KDM4C: variants seen among roughly 807,000 people sequenced by gnomAD.
The protein encoded by KDM4C is lysine demethylase 4C.
In KDM4C, 81 loss-of-function variants were observed where a neutral mutation model predicts 129.3. The observed-to-expected ratio is 0.63, with a 90% confidence interval of 0.52 to 0.75. The LOEUF (loss-of-function observed/expected upper bound fraction) is 0.75. KDM4C is among the 30% of genes least tolerant of loss of function. KDM4C has a pLI of 0.00. For missense variants in KDM4C, 1,457 were observed against 1,304.0 expected (o/e 1.12, Z -1.81); for synonymous variants, 573 against 456.1 (o/e 1.26, Z -3.26).
chr9:7,096,936 G>A (rs1367111591), intron 17 of KDM4C, among the ~76,000 whole-genome samples: 1 of 152,180 alleles, frequency 6.6e-6, no homozygotes, highest in East Asian at 1.9e-4. Flanking sequence ...TTGTGCCAGA[G>A]TACAGTCCAA....
intron 17 of KDM4C, among the ~76,000 whole-genome samples, chr9:7,099,329 G>C (rs891144747): frequency 1.3e-5 from 2 of 152,202 alleles, no homozygotes; most frequent in African/African-American, 4.8e-5. Context: ...GATGCCCTTT[G>C]CCAGGCTGGA....
At chr9:7,163,105 C>T (rs561418406) in intron 19 of KDM4C, among the ~76,000 whole-genome samples, 2 of 152,180 alleles carry the variant, frequency 1.3e-5, no homozygotes, top group South Asian at 2.1e-4. Context: ...TGCAGGTTCT[C>T]TGTCTGCATG....
chr9:6,969,199 G>T (rs1831517645), intron 8 of KDM4C, among the ~76,000 whole-genome samples: 1 of 152,206 alleles, frequency 6.6e-6, no homozygotes, highest in South Asian at 2.1e-4. Context: ...GCCTCCCAAA[G>T]TGCTGGGATT....
intron 4 of KDM4C, among the ~76,000 whole-genome samples, chr9:6,828,179 G>A (rs1438966984): frequency 1.3e-5 from 2 of 151,690 alleles, no homozygotes; most frequent in African/African-American, 2.4e-5. Flanking sequence ...ACGGAGCCTC[G>A]CACTGTCGCC....
intron 2 of KDM4C, among the ~76,000 whole-genome samples, chr9:6,794,496 G>A (rs1222717843): frequency 6.6e-6 from 1 of 152,136 alleles, no homozygotes; most frequent in Non-Finnish European, 1.5e-5. Flanking sequence ...TATGGTGGCT[G>A]TTTGTTTCTT....
At chr9:7,126,158 G>A (rs148643577) in intron 18 of KDM4C, among the ~76,000 whole-genome samples, 9 of 152,192 alleles carry the variant, frequency 5.9e-5, no homozygotes, top group African/African-American at 2.2e-4. Context: ...TATACCCTGA[G>A]GCCTACACAT....
chr9:6,790,151 G>A (rs945795787), intron 1 of KDM4C, among the ~76,000 whole-genome samples: 2 of 149,938 alleles, frequency 1.3e-5, no homozygotes, highest in African/African-American at 4.9e-5. Context: ...TGATCCGCTC[G>A]CCTTGGCCTC....
In KDM4C at chr9:6,981,056, A is replaced by G; in HGVS notation, c.1053A>G (p.Ala351=). 1 of 1,613,760 alleles carries G rather than the reference A, an allele frequency of 6.2e-7. No homozygotes were observed. Among genetic ancestry groups the G allele is most frequent in the South Asian group, 1.1e-5 (1 of 91,018 alleles). ...YTIDHTKPTP[A]STPEVKAWLQ... ...TTGATCACACGAAGCCTACTCCAGC[A>G]TCCACCCCTGAAGTAAAAGCATGGC... Residue 351 remains alanine (A), a synonymous_variant, in exon 9 of 22, where the codon GCA becomes GCG. Transcript: ENST00000381309.
intron 4 of KDM4C, among the ~76,000 whole-genome samples, chr9:6,848,789 A>C (rs1342289223): frequency 6.6e-6 from 1 of 152,188 alleles, no homozygotes; most frequent in African/African-American, 2.4e-5. Flanking sequence ...ATATTGTTAT[A>C]CTGTTATAAA....
At chr9:7,092,155 G>A (rs1246234405) in intron 17 of KDM4C, among the ~76,000 whole-genome samples, 1 of 152,062 alleles carries the variant, frequency 6.6e-6, no homozygotes, top group Non-Finnish European at 1.5e-5. Context: ...GAAAATAGTA[G>A]GAATGACCGT....
intron 2 of KDM4C, among the ~76,000 whole-genome samples, chr9:6,802,585 A>G (rs1023076989): frequency 6.6e-6 from 1 of 152,222 alleles, no homozygotes. Flanking sequence ...TAGGAATGAA[A>G]ATCAAAGAAC....
At chr9:6,818,425 A>G (rs993901048) in intron 4 of KDM4C, among the ~76,000 whole-genome samples, 1 of 152,244 alleles carries the variant, frequency 6.6e-6, no homozygotes, top group African/African-American at 2.4e-5. Flanking sequence ...GATGTTGCCC[A>G]TAGGCAGGGG....
intron 8 of KDM4C, among the ~76,000 whole-genome samples, chr9:6,943,516 C>G (rs1466574653): frequency 1.3e-5 from 2 of 151,882 alleles, no homozygotes; most frequent in African/African-American, 4.8e-5. Flanking sequence ...CTAGATCAGC[C>G]TGGGTAACGT....
chr9:6,990,274 A>C (rs762681669), intron 11 of KDM4C, 142 bp from the exon 12 acceptor site: 7 of 640,444 alleles, frequency 1.1e-5, no homozygotes, highest in Non-Finnish European at 2.0e-5. Context: ...TAAATTTCTT[A>C]AAGGACTAGT....
chr9:6,759,940 CAAA>C (rs1178745095), intron 1 of KDM4C, among the ~76,000 whole-genome samples: 2 of 78,792 alleles, frequency 2.5e-5, no homozygotes, highest in Non-Finnish European at 5.3e-5. Context: ...GACTCCATCT[CAAA>C]AAAAAAAAAA....
intron 12 of KDM4C, among the ~76,000 whole-genome samples, chr9:7,005,493 A>G (rs1037114103): frequency 1.3e-5 from 2 of 151,648 alleles, no homozygotes; most frequent in Non-Finnish European, 2.9e-5. Flanking sequence ...AACGCCCCAC[A>G]TTCCTTTGTT....
chr9:6,888,075 T>C lies in KDM4C; in HGVS notation c.783+12T>C. 7.4e-7 allele frequency: 1 copy of C among 1,343,762 alleles called. No homozygotes were observed. The highest frequency in any genetic ancestry group is 1.1e-6 in the Non-Finnish European group (1 of 950,768). 83.2% of individuals were successfully genotyped at this position (1,343,762 alleles called of 1,614,324 possible). A position where few individuals can be genotyped will look rare whatever the true frequency, so the allele number is the denominator to read the frequency against. ...TTCCCTTTGACAAGGTATGTTAGTA[T>C]TCATCTTACACAAATTAATTTTGTT... is the stretch of plus-strand genomic sequence containing the variant. On this transcript the variant is annotated intron_variant, in intron 7 of 21. Coordinates refer to ENST00000381309, the MANE Select transcript of KDM4C (RefSeq NM_015061.6).
chr9:6,860,486 C>T (rs1055745814), intron 5 of KDM4C, among the ~76,000 whole-genome samples: 3 of 152,150 alleles, frequency 2.0e-5, no homozygotes, highest in African/African-American at 4.8e-5. Context: ...ATCTGTCTAA[C>T]CTATCAGATA....
At chr9:6,826,816 G>A (rs1833957364) in intron 4 of KDM4C, among the ~76,000 whole-genome samples, 2 of 151,318 alleles carry the variant, frequency 1.3e-5, no homozygotes, top group South Asian at 2.1e-4. Context: ...GCAATGAGCT[G>A]AGATCGCGCC....
Sources: allele counts gnomAD v4.1 joint callset (sites outside exome capture counted in the v4.1 genomes callset), GRCh38; gene constraint gnomAD v4.1.1; transcripts MANE v1.5; gene names NCBI Gene and HGNC (gene_info 2026-07-23, HGNC 2026-07-21).